The following POLQ variants were observed in gnomAD, a reference collection of about 807,000 sequenced individuals.
POLQ encodes DNA polymerase theta, also known as epididymis secretory sperm binding protein.
Under a neutral mutation model 259.2 loss-of-function variants are expected in POLQ, and 233 were observed. The ratio of observed to expected loss-of-function variants is 0.90; its 90% CI spans 0.81 to 1.00. The LOEUF (loss-of-function observed/expected upper bound fraction) is 1.00, where lower values mean the gene tolerates loss of function less well. Ranked by LOEUF, POLQ falls within the 50% of genes least tolerant of loss-of-function variation. The pLI is 0.00. For synonymous variants in POLQ, 1,025 were observed against 1,048.8 expected (o/e 0.98, Z 0.44); for missense variants, 2,871 against 3,051.6 (o/e 0.94, Z 1.39).
intron 12 of POLQ, among the ~76,000 whole-genome samples, chr3:121,508,924 C>T (rs928555767): frequency 6.6e-6 from 1 of 151,906 alleles, no homozygotes; most frequent in African/African-American, 2.4e-5. Flanking sequence ...TTATTAATAT[C>T]TTTGTTATAC....
At chr3:121,498,403 A>T in intron 13 of POLQ, 74 bp downstream of exon 13, 2 of 1,002,100 alleles carry the variant, frequency 2.0e-6, no homozygotes, top group Non-Finnish European at 2.9e-6. Context: ...GAAAGTGACT[A>T]CAATAAACTG....
rs1329145039 is a variant in POLQ, at chr3:121,489,048, T to C, written c.3883A>G (p.Thr1295Ala). ...FLNISRLQEK[T>A]GTYTTNKTKN... Reference sequence around the variant, plus strand: ...GTTTTGTTTGTTGTATAAGTACCTGTTTTTTCTTGTAGTCTAGAAATATTT... The same window carrying C: ...GTTTTGTTTGTTGTATAAGTACCTGCTTTTTCTTGTAGTCTAGAAATATTT... The change falls in exon 16 of 30, where the codon ACA (threonine) becomes GCA (alanine). Residue 1295 changes from threonine (T) to alanine (A), a missense_variant. Coordinates refer to ENST00000264233, the MANE Select transcript of POLQ (RefSeq NM_199420.4). The C allele has an allele frequency of 3.1e-6, 5 of 1,613,256 alleles. No homozygotes were observed. The highest frequency in any genetic ancestry group is 4.2e-6 in the Non-Finnish European group (5 of 1,179,480).
chr3:121,491,858 G>A (rs1204576984), intron 15 of POLQ, among the ~76,000 whole-genome samples: 1 of 151,938 alleles, frequency 6.6e-6, no homozygotes, highest in African/African-American at 2.4e-5. Context: ...CGCACAGCAG[G>A]AGGTGAGCTA....
At chr3:121,527,613 T>C (rs2108815888) in intron 7 of POLQ, among the ~76,000 whole-genome samples, 1 of 149,880 alleles carries the variant, frequency 6.7e-6, no homozygotes, top group South Asian at 2.1e-4. Context: ...AATTTCCTTC[T>C]TTTTTTACAG....
At chr3:121,467,434 G>T in intron 24 of POLQ, 85 bp downstream of exon 24, 3 of 1,341,576 alleles carry the variant, frequency 2.2e-6, no homozygotes, top group Non-Finnish European at 3.2e-6. Flanking sequence ...CATGCTCTAA[G>T]TCTCACTCAT....
At chr3:121,505,372 C>A (rs1003120138) in intron 12 of POLQ, among the ~76,000 whole-genome samples, 2 of 152,116 alleles carry the variant, frequency 1.3e-5, no homozygotes, top group Non-Finnish European at 2.9e-5. Context: ...TGGACTAATA[C>A]AGTAAGCCAA....
intron 24 of POLQ, among the ~76,000 whole-genome samples, chr3:121,461,102 T>C (rs1242546594): frequency 6.6e-6 from 1 of 152,188 alleles, no homozygotes; most frequent in Non-Finnish European, 1.5e-5. Context: ...TTTCTTCACC[T>C]GTATTGCAAA....
intron 22 of POLQ, among the ~76,000 whole-genome samples, chr3:121,470,334 G>C (rs115450127): frequency 6.6e-6 from 1 of 152,076 alleles, no homozygotes; most frequent in Admixed American, 6.6e-5. Context: ...TTTATTTTAC[G>C]TAAGTTTATA....
At chr3:121,502,697 A>G (rs1387065904) in intron 12 of POLQ, among the ~76,000 whole-genome samples, 2 of 152,134 alleles carry the variant, frequency 1.3e-5, no homozygotes, top group South Asian at 2.1e-4. Flanking sequence ...AATGAAGCAA[A>G]CTCTGTAAAT....
Position 121,489,639 on chromosome 3 carries a change from C to G in POLQ, c.3292G>C (p.Ala1098Pro), listed in dbSNP as rs2048047847. 1 of 1,613,806 alleles carries G rather than the reference C, an allele frequency of 6.2e-7. No homozygotes were observed. The highest frequency in any genetic ancestry group is 8.5e-7 in the Non-Finnish European group (1 of 1,179,952). ...KTEFRNSGPF[A>P]KNVSLSGKEK... Reference sequence around the variant, plus strand: ...TTACCACTCAAAGATACATTTTTAGCAAATGGCCCTGAATTTCTAAATTCC... The same window carrying G: ...TTACCACTCAAAGATACATTTTTAGGAAATGGCCCTGAATTTCTAAATTCC... Residue 1098 changes from alanine (A) to proline (P), a missense_variant, in exon 16 of 30, where the codon GCT becomes CCT. This residue lies in a region of POLQ where 2,080 missense variants were observed against 2,126.0 expected (regional missense o/e 0.98). Transcript: ENST00000264233.
rs551419353 is a variant in POLQ at position 121,531,138 on chromosome 3, G to C, written c.961-1346C>G. Among the ~76,000 whole-genome samples, 9 of 152,300 alleles carry C rather than the reference G, an allele frequency of 5.9e-5. 1 individual carries two copies. The South Asian group carries it at 1.9e-3, about 32-fold the overall frequency. On this transcript the variant is annotated intron_variant, in intron 6 of 29. Transcript: ENST00000264233. The stretch of plus-strand genomic sequence containing the variant: ...GGAGGCGGAGGTTGCGGTGAGCTGA[G>C]ATCGCGCCATTGCACTCCAGCCTGG...
At chr3:121,510,691 T>G (rs1046304878) in intron 10 of POLQ, among the ~76,000 whole-genome samples, 14 of 152,218 alleles carry the variant, frequency 9.2e-5, no homozygotes, top group African/African-American at 3.1e-4. Flanking sequence ...AATGTAGAGA[T>G]TCTTTATTTA....
Position 121,452,781 on chromosome 3 carries a change from G to A in POLQ, c.7153-3355C>T, listed in dbSNP as rs138558521. 8.6e-3 allele frequency among the ~76,000 whole-genome samples: 1,317 copies of A among 152,324 alleles called. 13 individuals are homozygous for A. Among genetic ancestry groups the A allele is most frequent in the African/African-American group, 0.028 (1,159 of 41,566 alleles). ...CACCACAGCTCAAGGAGGCCTGCCT[G>A]TCTCTGTAGGCTCCACCTCTGGGGG... On this transcript the variant is annotated intron_variant, in intron 25 of 29. Coordinates refer to ENST00000264233, the MANE Select transcript of POLQ (RefSeq NM_199420.4).
At chr3:121,545,151 T>C (rs181177023) in intron 1 of POLQ, among the ~76,000 whole-genome samples, 63 of 152,240 alleles carry the variant, frequency 4.1e-4, no homozygotes, top group African/African-American at 1.1e-3. Flanking sequence ...ACACAGTAGA[T>C]AAAGAGTGTT....
chr3:121,541,358 G>A lies in POLQ; in HGVS notation c.465C>T (p.Tyr155=), dbSNP rs142289848. 1,939 of 1,598,992 alleles carry A rather than the reference G, an allele frequency of 1.2e-3. 5 individuals are homozygous for A. Among genetic ancestry groups the A allele is most frequent in the Non-Finnish European group, 1.5e-3 (1,769 of 1,174,014 alleles). The part of the protein sequence containing the change: ...PFVSVAKEKK[Y]YLQSLFQEVG... ...TAGTAAAAAACATTACCTGGAGGTA[G>A]TATTTCTTCTCTTTAGCCACAGAAA... The change falls in exon 3 of 30, where the codon TAC becomes TAT. Residue 155 remains tyrosine, a synonymous_variant. Coordinates refer to ENST00000264233, the MANE Select transcript of POLQ (RefSeq NM_199420.4).
intron 25 of POLQ, 44 bp downstream of exon 25, chr3:121,460,006 A>T (rs1014691022): frequency 7.6e-6 from 11 of 1,439,148 alleles, no homozygotes; most frequent in Non-Finnish European, 8.7e-6. Flanking sequence ...TTTTTGAGTC[A>T]CTAAATTCTT....
At position 121,476,701 on chromosome 3, in the gene POLQ, A is replaced by G. The variant is rs142553147; in HGVS notation, c.6244T>C (p.Tyr2082His). The G allele has an allele frequency of 6.2e-7, 1 of 1,603,982 alleles. No individual in the cohort carries two copies. Among genetic ancestry groups the G allele is most frequent in the Admixed American group, 1.8e-5 (1 of 56,684 alleles). The stretch of plus-strand genomic sequence containing the variant: ...TTTAGTTCTAGCAAGGCCAAGCAGT[A>G]CTGAGAGGGCATTTCCACCTTACGG... ...VFRKVEMPSQYCLALLELNGI... is the reference protein window; with the variant it reads ...VFRKVEMPSQHCLALLELNGI... The change falls in exon 20 of 30, where the codon TAC becomes CAC. Residue 2082 changes from tyrosine (Y) to histidine (H), a missense_variant. This residue lies in a region of POLQ where 2,080 missense variants were observed against 2,126.0 expected (regional missense o/e 0.98). Coordinates refer to ENST00000264233, the MANE Select transcript of POLQ (RefSeq NM_199420.4).
chr3:121,523,607 C>T (rs1426026696), intron 7 of POLQ, among the ~76,000 whole-genome samples: 1 of 151,888 alleles, frequency 6.6e-6, no homozygotes, highest in Non-Finnish European at 1.5e-5. Context: ...CCCAGCTACT[C>T]GGGAGGCTGA....
chr3:121,503,243 G>C (rs887426394), intron 12 of POLQ, among the ~76,000 whole-genome samples: 2 of 152,216 alleles, frequency 1.3e-5, no homozygotes, highest in Non-Finnish European at 2.9e-5. Context: ...CCTAGAAGCA[G>C]TAAGGTTATA....
Sources: gnomAD v4.1 joint callset for allele counts (sites outside exome capture counted in the v4.1 genomes callset) on GRCh38, gnomAD v4.1.1 for gene constraint, gnomAD v4.1.1 regional missense constraint, MANE v1.5 for transcripts, NCBI Gene and HGNC (gene_info 2026-07-23, HGNC 2026-07-21) for gene names.